GTF3C3: variants seen among roughly 807,000 people sequenced by gnomAD.
GTF3C3 encodes general transcription factor 3C polypeptide 3.
GTF3C3 carries 75 observed loss-of-function variants against 105.2 expected under a neutral mutation model. The ratio of observed to expected loss-of-function variants is 0.71; its 90% confidence interval spans 0.59 to 0.86. The LOEUF (loss-of-function observed/expected upper bound fraction) is 0.86. GTF3C3 is among the 40% of genes least tolerant of loss of function. GTF3C3 has a pLI of 0.00. For synonymous variants in GTF3C3, 335 were observed against 370.4 expected (o/e 0.90, Z 1.10); for missense variants, 856 against 1,076.5 (o/e 0.80, Z 2.87).
rs1374472406 is a variant in GTF3C3, at chr2:196,775,210, G to T, written c.1737C>A (p.Ser579=). ...NRAQVCLISS[S]KSGERHLYLI... ...GATAAAGATGCCTCTCTCCAGACTT[G>T]GAACTGGATATCAAACAAACTTGGG... is the stretch of plus-strand genomic sequence containing the variant. Residue 579 remains serine (S), a synonymous_variant, in exon 13 of 18, where the codon TCC becomes TCA. Coordinates refer to ENST00000263956, the MANE Select transcript of GTF3C3 (RefSeq NM_012086.5). The T allele has an allele frequency of 6.2e-7, 1 of 1,608,212 alleles. No homozygotes were observed. The highest frequency in any genetic ancestry group is 8.5e-7 in the Non-Finnish European group (1 of 1,177,572).
chr2:196,780,337 T>C, intron 9 of GTF3C3: 3 of 1,163,530 alleles, frequency 2.6e-6, no homozygotes, highest in Non-Finnish European at 2.2e-6. Context: ...TTATGATCTT[T>C]AGATTGTTAT....
At chr2:196,766,541 C>T in intron 17 of GTF3C3, 24 bp downstream of exon 17, 1 of 1,571,248 alleles carries the variant, frequency 6.4e-7, no homozygotes, top group Non-Finnish European at 8.7e-7. Flanking sequence ...AATGAAGTGT[C>T]TCAGTTTTAA....
rs1337771111 is a variant in GTF3C3 at position 196,776,874 on chromosome 2, C to T, written c.1391-245G>A. 6.6e-6 allele frequency among the ~76,000 whole-genome samples: 1 copy of T among 152,114 alleles called. No individual in the cohort carries two copies. Among genetic ancestry groups the T allele is most frequent in the African/African-American group, 2.4e-5 (1 of 41,416 alleles). Reference sequence around the variant, plus strand: ...GTTCTGCTTTATTCATTGAGCATTACATTTTAAACACTGTCTTCATTGGCA... The same window carrying T: ...GTTCTGCTTTATTCATTGAGCATTATATTTTAAACACTGTCTTCATTGGCA... On this transcript the variant is annotated intron_variant, in intron 10 of 17. Coordinates refer to ENST00000263956, the MANE Select transcript of GTF3C3 (RefSeq NM_012086.5). The surrounding 1 kb of genome is among the most constrained non-coding windows in gnomAD (Gnocchi z 4.5).
chr2:196,797,571 T>G (rs910451976), intron 2 of GTF3C3, among the ~76,000 whole-genome samples: 4 of 152,168 alleles, frequency 2.6e-5, no homozygotes, highest in Non-Finnish European at 5.9e-5. Flanking sequence ...TGATGTCAAT[T>G]TAAAACACTT....
rs1476607512 is a variant in GTF3C3 at position 196,789,292 on chromosome 2, T to C, written c.805A>G (p.Met269Val). Reference sequence around the variant, plus strand: ...ATACGCCTATAACCATCCATGGCCATTTTATGATCACCCATCTGTTCATAA... The same window carrying C: ...ATACGCCTATAACCATCCATGGCCACTTTATGATCACCCATCTGTTCATAA... ...SLYEQMGDHKMAMDGYRRILN... is the reference protein window; with the variant it reads ...SLYEQMGDHKVAMDGYRRILN... Residue 269 changes from methionine to valine, a missense_variant, in exon 6 of 18, where the codon ATG becomes GTG. This residue lies in a region of GTF3C3 where 605 missense variants were observed against 833.6 expected (regional missense o/e 0.73). Transcript: ENST00000263956. The C allele has an allele frequency of 6.2e-7, 1 of 1,613,164 alleles. No homozygotes were observed. The highest frequency in any genetic ancestry group is 8.5e-7 in the Non-Finnish European group (1 of 1,179,402).
At chr2:196,782,980 C>G (rs1159651742) in intron 8 of GTF3C3, among the ~76,000 whole-genome samples, 4 of 152,146 alleles carry the variant, frequency 2.6e-5, no homozygotes, top group Non-Finnish European at 4.4e-5. Context: ...TTAGGTCTTT[C>G]ACATTCAGAA....
chr2:196,765,093 CAT>C (rs1417019676), intron 17 of GTF3C3, among the ~76,000 whole-genome samples: 2 of 152,048 alleles, frequency 1.3e-5, no homozygotes, highest in Non-Finnish European at 2.9e-5. Flanking sequence ...GTAAAAATAA[CAT>C]AGTATTAAAT....
intron 6 of GTF3C3, 147 bp downstream of exon 6, chr2:196,789,057 C>A: frequency 1.5e-6 from 1 of 646,020 alleles, no homozygotes; most frequent in South Asian, 2.2e-5. Flanking sequence ...CAGAGCAAGA[C>A]CCTGTCTCAA....
At chr2:196,788,935 C>T (rs1281195374) in intron 6 of GTF3C3, among the ~76,000 whole-genome samples, 1 of 151,874 alleles carries the variant, frequency 6.6e-6, no homozygotes, top group East Asian at 1.9e-4. Context: ...GGTGTGGTGG[C>T]GTGCACCTAC....
rs1444339974 is a variant in GTF3C3, at chr2:196,763,057, T to C, written c.*1506A>G. ...TAGTGATCTTGAACATGCTATTTAA[T>C]CTCTAGATACAAAGTGGTGATGACA... On this transcript the variant is annotated 3_prime_UTR_variant, in exon 18 of 18. Transcript: ENST00000263956. 1 of 152,188 alleles carries C rather than the reference T, an allele frequency of 6.6e-6. No homozygotes were observed. The highest frequency in any genetic ancestry group is 1.5e-5 in the Non-Finnish European group (1 of 68,030). 9.4% of individuals were successfully genotyped at this position (152,188 alleles called of 1,614,324 possible).
chr2:196,789,177 A>C, intron 6 of GTF3C3, 27 bp downstream of exon 6: 3 of 1,556,636 alleles, frequency 1.9e-6, no homozygotes, highest in Non-Finnish European at 2.6e-6. Flanking sequence ...AACAGGAGCA[A>C]GTAGATCTGT....
intron 13 of GTF3C3, among the ~76,000 whole-genome samples, chr2:196,774,321 A>G (rs1194340538): frequency 6.6e-6 from 1 of 152,256 alleles, no homozygotes; most frequent in Non-Finnish European, 1.5e-5. Flanking sequence ...TGATTAAATT[A>G]TGGAACCACT....
chr2:196,799,415 G>T, intron 1 of GTF3C3, 95 bp downstream of exon 1: 3 of 881,670 alleles, frequency 3.4e-6, no homozygotes, highest in Non-Finnish European at 5.7e-6. Flanking sequence ...TTCCCAGCCC[G>T]CCCCATCACA....
At chr2:196,796,712 C>T (rs181984025) in intron 2 of GTF3C3, among the ~76,000 whole-genome samples, 123 of 152,274 alleles carry the variant, frequency 8.1e-4, no homozygotes, top group African/African-American at 2.9e-3. Context: ...TCCTCACCCC[C>T]TTTTGTCCCT....
intron 9 of GTF3C3, 144 bp downstream of exon 9, chr2:196,780,415 A>G: frequency 7.7e-7 from 1 of 1,303,572 alleles, no homozygotes; most frequent in Non-Finnish European, 9.9e-7. Flanking sequence ...AGATATTCAT[A>G]CAAAATTATT....
Position 196,771,784 on chromosome 2 carries a change from T to C in GTF3C3, c.2224A>G (p.Asn742Asp), listed in dbSNP as rs756154487. The C allele has an allele frequency of 2.5e-6, 4 of 1,613,420 alleles. No individual in the cohort carries two copies. The highest frequency in any genetic ancestry group is 3.4e-6 in the Non-Finnish European group (4 of 1,179,340). Residue 742 changes from asparagine (N) to aspartate (D), a missense_variant, in exon 15 of 18, where the codon AAT (asparagine) becomes GAT (aspartate). Asn to Asp is a conservative substitution (Grantham distance 23). Coordinates refer to ENST00000263956, the MANE Select transcript of GTF3C3 (RefSeq NM_012086.5). ...NHALCVLNGHNAFVSGSFKHA... is the reference protein window; with the variant it reads ...NHALCVLNGHDAFVSGSFKHA... ...TTAAAACTACCAGATACAAATGCAT[T>C]GTGTCCATTTAAGACACATAGGGCA...
Position 196,785,599 on chromosome 2 carries a change from G to A in GTF3C3, c.894-11C>T, listed in dbSNP as rs762417354. On this transcript the variant is annotated splice_polypyrimidine_tract_variant and intron_variant, in intron 6 of 17. Coordinates refer to ENST00000263956, the MANE Select transcript of GTF3C3 (RefSeq NM_012086.5). ...GCTTCATAGTAACTCCTAAAAAAAA[G>A]TGGCAAAATGGATGAATATTTACTT... 6.4e-6 allele frequency: 10 copies of A among 1,561,560 alleles called. No homozygotes were observed. The South Asian group carries it at 9.1e-5, about 14-fold the overall frequency.
chr2:196,785,404 TGCAAAACTTAACAGAGAAAC>T lies in GTF3C3; in HGVS notation c.1041+17_1041+36del. ...AGAATTTCCAGAACACAGAAACACA[TGCAAAACTTAACAGAGAAAC>T]ACATAAGCATTCCTACCTCCAAAGC... is the stretch of plus-strand genomic sequence containing the variant. On this transcript the variant is annotated intron_variant, in intron 7 of 17. Coordinates refer to ENST00000263956, the MANE Select transcript of GTF3C3 (RefSeq NM_012086.5). The T allele has an allele frequency of 7.7e-7, 1 of 1,293,970 alleles. No homozygotes were observed. Among genetic ancestry groups the T allele is most frequent in the Non-Finnish European group, 1.0e-6 (1 of 979,668 alleles). The allele number at this position is 1,293,970 out of a possible 1,614,324, so 80.2% of individuals were successfully genotyped here.
At chr2:196,793,674 ATGAGTG>A (rs1052669514) in intron 2 of GTF3C3, among the ~76,000 whole-genome samples, 57 of 152,300 alleles carry the variant, frequency 3.7e-4, no homozygotes, top group African/African-American at 1.0e-3. Context: ...TGAGGACAAA[ATGAGTG>A]TGAGTGTGTG....
Sources: allele counts gnomAD v4.1 joint callset (sites outside exome capture counted in the v4.1 genomes callset), GRCh38; gene constraint gnomAD v4.1.1; regional missense constraint gnomAD v4.1.1; non-coding constraint Gnocchi (gnomAD v3.1); transcripts MANE v1.5; gene names NCBI Gene and HGNC (gene_info 2026-07-23, HGNC 2026-07-21).